Variants in RBFOX1 observed in about 807,000 individuals in gnomAD.
The protein encoded by RBFOX1 is RNA binding protein fox-1 homolog 1.
RBFOX1 carries 8 observed loss-of-function variants against 57.7 expected under a neutral mutation model. The observed-to-expected ratio is 0.14, with a 90% CI of 0.08 to 0.25. The LOEUF is 0.25. RBFOX1 is among the 10% of genes least tolerant of loss of function. RBFOX1 has a pLI of 1.00. For synonymous variants in RBFOX1, 326 were observed against 222.4 expected (o/e 1.47, Z -4.15); for missense variants, 611 against 548.5 (o/e 1.11, Z -1.14).
chr16:6,756,212 G>A (rs767571678), intron 3 of RBFOX1, among the ~76,000 whole-genome samples: 3 of 152,074 alleles, frequency 2.0e-5, no homozygotes, highest in Non-Finnish European at 4.4e-5. Flanking sequence ...AAAATTATAT[G>A]GATTGGGGAA....
chr16:7,674,184 C>G (rs368525091), intron 13 of RBFOX1, among the ~76,000 whole-genome samples: 1 of 152,098 alleles, frequency 6.6e-6, no homozygotes, highest in Admixed American at 6.5e-5. Context: ...AAAGGAAGAC[C>G]ATGCAGTAAA....
intron 1 of RBFOX1, among the ~76,000 whole-genome samples, chr16:5,290,307 A>C (rs1254966996): frequency 6.6e-6 from 1 of 152,170 alleles, no homozygotes; most frequent in Non-Finnish European, 1.5e-5. Flanking sequence ...GGTTGCAGTG[A>C]GCCGAGGTTG....
At chr16:5,901,860 C>G (rs535880387) in intron 4 of RBFOX1, among the ~76,000 whole-genome samples, 1 of 152,128 alleles carries the variant, frequency 6.6e-6, no homozygotes, top group Admixed American at 6.6e-5. Context: ...CTGAAAATTC[C>G]TTCCCTCAAT....
At chr16:6,349,898 G>A (rs1157632758) in intron 2 of RBFOX1, among the ~76,000 whole-genome samples, 1 of 152,164 alleles carries the variant, frequency 6.6e-6, no homozygotes, top group African/African-American at 2.4e-5. Context: ...TTTAGAACTC[G>A]TGTCTTCTAC....
At chr16:7,292,337 GATAT>G (rs983457971) in intron 4 of RBFOX1, among the ~76,000 whole-genome samples, 4 of 131,072 alleles carry the variant, frequency 3.1e-5, no homozygotes, top group South Asian at 2.3e-4. Flanking sequence ...TATCATACAT[GATAT>G]ATATAATATA....
intron 2 of RBFOX1, among the ~76,000 whole-genome samples, chr16:6,347,844 A>G (rs1259334487): frequency 3.9e-5 from 6 of 152,210 alleles, no homozygotes; most frequent in African/African-American, 1.4e-4. Context: ...GAATGAGTGA[A>G]TGTTGAATTA....
At chr16:7,425,106 G>A (rs1025407733) in intron 4 of RBFOX1, among the ~76,000 whole-genome samples, 2 of 152,118 alleles carry the variant, frequency 1.3e-5, no homozygotes, top group South Asian at 2.1e-4. Flanking sequence ...TTTTTCCAGG[G>A]AAAGGCTTAT....
rs76815167 is a variant in RBFOX1, at chr16:6,004,014, C to T, written c.351+136679C>T. On this transcript the variant is annotated intron_variant, in intron 4 of 19. Coordinates refer to the RBFOX1 transcript ENST00000641259. ...AGAGTTTATTGAGAGGACTAGAAGG[C>T]AATGCATACAAGGTCATGTTGCACG... 3.3e-3 allele frequency among the ~76,000 whole-genome samples: 503 copies of T among 152,268 alleles called. 1 individual carries two copies. Among genetic ancestry groups the T allele is most frequent in the African/African-American group, 0.011 (477 of 41,554 alleles).
chr16:5,453,217 G>T (rs1321692549), intron 1 of RBFOX1, among the ~76,000 whole-genome samples: 2 of 152,120 alleles, frequency 1.3e-5, no homozygotes, highest in Admixed American at 1.3e-4. Flanking sequence ...TTTATAGTGA[G>T]GAAACAGACA....
intron 3 of RBFOX1, among the ~76,000 whole-genome samples, chr16:6,897,940 C>G (rs2067368320): frequency 6.6e-6 from 1 of 152,160 alleles, no homozygotes; most frequent in African/African-American, 2.4e-5. Flanking sequence ...CTCTGTGTCT[C>G]ACCAGGTCGG....
intron 2 of RBFOX1, among the ~76,000 whole-genome samples, chr16:6,508,050 C>G (rs1459196633): frequency 6.6e-6 from 1 of 152,134 alleles, no homozygotes; most frequent in African/African-American, 2.4e-5. Flanking sequence ...AGAAAAAGAT[C>G]ATGTCCTTTG....
intron 3 of RBFOX1, among the ~76,000 whole-genome samples, chr16:5,850,236 G>A (rs1567622799): frequency 6.6e-6 from 1 of 152,276 alleles, no homozygotes; most frequent in Admixed American, 6.5e-5. Context: ...ATGAGGGAGG[G>A]AGAAAAGTGA....
intron 5 of RBFOX1, among the ~76,000 whole-genome samples, chr16:7,562,992 G>A (rs2090774234): frequency 6.6e-6 from 1 of 152,164 alleles, no homozygotes; most frequent in South Asian, 2.1e-4. Context: ...CTTGACCCAG[G>A]GGATTGCAAT....
intron 4 of RBFOX1, among the ~76,000 whole-genome samples, chr16:6,010,259 G>C (rs1193481508): frequency 1.3e-5 from 2 of 152,100 alleles, no homozygotes; most frequent in Non-Finnish European, 2.9e-5. Flanking sequence ...AAGTGGTATA[G>C]GATTAACACC....
At chr16:6,820,213 A>T (rs746509856) in intron 3 of RBFOX1, among the ~76,000 whole-genome samples, 6 of 152,198 alleles carry the variant, frequency 3.9e-5, no homozygotes, top group Non-Finnish European at 8.8e-5. Context: ...AGGCCTCCCC[A>T]GCCATGTGCA....
intron 1 of RBFOX1, among the ~76,000 whole-genome samples, chr16:5,461,787 C>A (rs1221201162): frequency 1.3e-5 from 2 of 152,132 alleles, no homozygotes; most frequent in African/African-American, 4.8e-5. Flanking sequence ...TCTCACATTT[C>A]ATCTCAGTTT....
At chr16:6,311,067 C>T (rs531508467) in intron 1 of RBFOX1, among the ~76,000 whole-genome samples, 55 of 151,938 alleles carry the variant, frequency 3.6e-4, no homozygotes, top group African/African-American at 9.2e-4. Flanking sequence ...GAGGCCAAGG[C>T]GGGCAAATCA....
chr16:5,933,100 A>T (rs150468886), intron 4 of RBFOX1, among the ~76,000 whole-genome samples: 46 of 152,306 alleles, frequency 3.0e-4, no homozygotes, highest in African/African-American at 1.1e-3. Context: ...ACATCAGGAA[A>T]ATTACTTCTT....
chr16:5,332,113 C>G lies in RBFOX1; in HGVS notation c.219+92008C>G, dbSNP rs143086556. Among the ~76,000 whole-genome samples the G allele has an allele frequency of 2.7e-3, 410 of 152,240 alleles. 1 individual carries two copies. The highest frequency in any genetic ancestry group is 4.2e-3 in the Non-Finnish European group (289 of 68,006). On this transcript the variant is annotated intron_variant, in intron 1 of 2. Transcript: ENST00000585867. ...CTTGTTTTCCTTCTTATGTCTTAGA[C>G]TCTGGCAAATCTTCTCTACCTTTCT...
Sources: allele counts gnomAD v4.1 joint callset (sites outside exome capture counted in the v4.1 genomes callset), GRCh38; gene constraint gnomAD v4.1.1; transcripts MANE v1.5; gene names NCBI Gene and HGNC (gene_info 2026-07-23, HGNC 2026-07-21).